The following AFG1L variants were observed in gnomAD, a reference collection of about 807,000 sequenced individuals.
AFG1L encodes the protein AFG1 like ATPase, also known as AFG1-like ATPase.
A neutral mutation model predicts 62.2 loss-of-function variants in AFG1L; 53 were observed. That is an observed-to-expected ratio of 0.85 (90% CI 0.68 to 1.07). AFG1L has a LOEUF of 1.07. Ranked by LOEUF, AFG1L falls within the 50% of genes least tolerant of loss-of-function variation. The probability of loss-of-function intolerance (pLI) is 0.00; values close to 1 mark genes in which losing one functional copy is unlikely to be tolerated. For missense variants in AFG1L, 555 were observed against 590.5 expected (o/e 0.94, Z 0.62); for synonymous variants, 228 against 210.3 (o/e 1.08, Z -0.73).
At chr6:108,397,572 A>AT (rs1324479644) in intron 6 of AFG1L, among the ~76,000 whole-genome samples, 123 of 151,658 alleles carry the variant, frequency 8.1e-4, no homozygotes, top group Middle Eastern at 3.4e-3. Context: ...TATTCTTTCT[A>AT]TTTTTTTTGT....
chr6:108,470,099 C>G (rs1326759983), intron 8 of AFG1L, among the ~76,000 whole-genome samples: 1 of 152,212 alleles, frequency 6.6e-6, no homozygotes, highest in Admixed American at 6.5e-5. Context: ...TATTCCACCT[C>G]TCACCTTCTG....
chr6:108,330,182 A>ATT (rs71015542), intron 2 of AFG1L, among the ~76,000 whole-genome samples: 5,370 of 132,466 alleles, frequency 0.041, 207 homozygotes, highest in Non-Finnish European at 0.062. Context: ...TTCCTTTTTT[A>ATT]TTTTTTTTTT....
chr6:108,301,872 A>G (rs1777014529), intron 1 of AFG1L, among the ~76,000 whole-genome samples: 1 of 152,076 alleles, frequency 6.6e-6, no homozygotes, highest in Non-Finnish European at 1.5e-5. Flanking sequence ...ACCAGAGATC[A>G]CTGATTGATT....
At chr6:108,431,335 C>T (rs1381499574) in intron 7 of AFG1L, among the ~76,000 whole-genome samples, 2 of 152,054 alleles carry the variant, frequency 1.3e-5, no homozygotes, top group Non-Finnish European at 2.9e-5. Context: ...AACTGCTGAC[C>T]TCAGGCGATC....
chr6:108,304,793 T>C (rs141295629), intron 1 of AFG1L, among the ~76,000 whole-genome samples: 1 of 152,364 alleles, frequency 6.6e-6, no homozygotes, highest in East Asian at 1.9e-4. Context: ...GTGAAGCTCC[T>C]TTATTCCATA....
chr6:108,403,746 A>G (rs1204940793), intron 7 of AFG1L, among the ~76,000 whole-genome samples: 2 of 152,122 alleles, frequency 1.3e-5, no homozygotes, highest in African/African-American at 4.8e-5. Flanking sequence ...TCTCAGAAAG[A>G]AACAAGTTAA....
intron 7 of AFG1L, among the ~76,000 whole-genome samples, chr6:108,434,921 A>G (rs1313168367): frequency 1.3e-5 from 2 of 152,142 alleles, no homozygotes; most frequent in Non-Finnish European, 2.9e-5. Flanking sequence ...TCTTTCCTAC[A>G]TCTTCTCCCT....
chr6:108,405,260 G>T lies in AFG1L; in HGVS notation c.807+3206G>T, dbSNP rs550797926. Among the ~76,000 whole-genome samples, 19 of 152,186 alleles carry T rather than the reference G, an allele frequency of 1.2e-4. No individual in the cohort carries two copies. In the South Asian group the frequency reaches 4.0e-3, roughly 32 times the overall value. On this transcript the variant is annotated intron_variant, in intron 7 of 12. Coordinates refer to ENST00000368977, the MANE Select transcript of AFG1L (RefSeq NM_145315.5). ...GTATAAGTGATTTACAATGGAAGCTGGCATTTTCATAATTTGTCATGAGAC... is the reference window on the plus strand; with the variant it reads ...GTATAAGTGATTTACAATGGAAGCTTGCATTTTCATAATTTGTCATGAGAC...
intron 12 of AFG1L, 58 bp downstream of exon 12, chr6:108,519,868 T>G: frequency 9.4e-7 from 1 of 1,066,288 alleles, no homozygotes; most frequent in African/African-American, 1.6e-5. Context: ...GTTTTTGGTT[T>G]GATGCATGGC....
Position 108,522,472 on chromosome 6 carries a change from G to A in AFG1L, c.*47G>A. Reference sequence around the variant, plus strand: ...AACTCTAGACAAATGGTTAACGCAGGCAGAACTCCTTATTGTGGGACTTGA... The same window carrying A: ...AACTCTAGACAAATGGTTAACGCAGACAGAACTCCTTATTGTGGGACTTGA... On this transcript the variant is annotated 3_prime_UTR_variant, in exon 13 of 13. Transcript: ENST00000368977. 6.4e-7 allele frequency: 1 copy of A among 1,567,358 alleles called. No homozygotes were observed. Among genetic ancestry groups the A allele is most frequent in the Non-Finnish European group, 8.7e-7 (1 of 1,148,006 alleles).
chr6:108,394,131 TTCCCC>T lies in AFG1L; in HGVS notation c.749-7847_749-7843del, dbSNP rs1259605578. On this transcript the variant is annotated intron_variant, in intron 6 of 12. Transcript: ENST00000368977. Reference sequence around the variant, plus strand: ...TCCTTTCCCCCTCCCCTCCCTTCCCTTCCCCTCCCCTCCCCTCCCCTCTCCTCTCC... The same window carrying T: ...TCCTTTCCCCCTCCCCTCCCTTCCCTTCCCCTCCCCTCCCCTCTCCTCTCC... 8.9e-5 allele frequency among the ~76,000 whole-genome samples: 9 copies of T among 101,358 alleles called. 1 individual carries two copies. The South Asian group carries it at 1.2e-3, about 13-fold the overall frequency. The allele number at this position is 101,358 out of a possible 152,430, so 66.5% of individuals were successfully genotyped here. A position where few individuals can be genotyped will look rare whatever the true frequency, so the allele number is the denominator to read the frequency against.
chr6:108,344,640 C>G (rs1778798604), intron 2 of AFG1L: 1 of 456,912 alleles, frequency 2.2e-6, no homozygotes, highest in Non-Finnish European at 4.5e-6. Context: ...ACCCTGAAAG[C>G]TAGGTTTTGA....
In AFG1L at chr6:108,437,606, A is replaced by G. The variant is rs188918105; in HGVS notation, c.808-9608A>G. Among the ~76,000 whole-genome samples the G allele has an allele frequency of 3.3e-5, 5 of 152,338 alleles. No individual in the cohort carries two copies. In the East Asian group the frequency reaches 9.6e-4, roughly 29 times the overall value. On this transcript the variant is annotated intron_variant, in intron 7 of 12. Coordinates refer to ENST00000368977, the MANE Select transcript of AFG1L (RefSeq NM_145315.5). Reference sequence around the variant, plus strand: ...ATGTCCTACGTAATGGAAATTTACTATAATATAACCCATTATAGTATAGAA... The same window carrying G: ...ATGTCCTACGTAATGGAAATTTACTGTAATATAACCCATTATAGTATAGAA...
At chr6:108,433,202 C>T (rs1771150030) in intron 7 of AFG1L, among the ~76,000 whole-genome samples, 1 of 152,144 alleles carries the variant, frequency 6.6e-6, no homozygotes, top group African/African-American at 2.4e-5. Context: ...ACAAATAAAT[C>T]TGCTTTATTA....
chr6:108,330,860 T>A (rs1257759259), intron 2 of AFG1L, among the ~76,000 whole-genome samples: 2 of 152,176 alleles, frequency 1.3e-5, no homozygotes, highest in Non-Finnish European at 2.9e-5. Flanking sequence ...AATAAATAAA[T>A]AAATAAATTT....
chr6:108,415,128 C>G (rs1479920211), intron 7 of AFG1L, among the ~76,000 whole-genome samples: 1 of 152,154 alleles, frequency 6.6e-6, no homozygotes, highest in Admixed American at 6.6e-5. Context: ...ACACCAATAA[C>G]AGACAAACAG....
At chr6:108,395,824 G>A (rs1781271243) in intron 6 of AFG1L, among the ~76,000 whole-genome samples, 1 of 151,390 alleles carries the variant, frequency 6.6e-6, no homozygotes, top group Non-Finnish European at 1.5e-5. Flanking sequence ...GAGGGAGAGA[G>A]AGAGGGAGAG....
At chr6:108,464,453 C>G (rs1160131904) in intron 8 of AFG1L, among the ~76,000 whole-genome samples, 4 of 152,078 alleles carry the variant, frequency 2.6e-5, no homozygotes, top group Non-Finnish European at 4.4e-5. Flanking sequence ...AAAAATAAAT[C>G]ATGATTCTCA....
intron 7 of AFG1L, among the ~76,000 whole-genome samples, chr6:108,430,297 G>T (rs527435570): frequency 6.6e-6 from 1 of 152,116 alleles, no homozygotes; most frequent in Non-Finnish European, 1.5e-5. Flanking sequence ...ATACAGTAGG[G>T]CATATAAATA....
Sources: gnomAD v4.1 joint callset for allele counts (sites outside exome capture counted in the v4.1 genomes callset) on GRCh38, gnomAD v4.1.1 for gene constraint, MANE v1.5 for transcripts, NCBI Gene and HGNC (gene_info 2026-07-23, HGNC 2026-07-21) for gene names.